The following PREX1 variants were observed in gnomAD, a reference collection of about 807,000 sequenced individuals.
PREX1 encodes the protein phosphatidylinositol-3,4,5-trisphosphate dependent Rac exchange factor 1.
PREX1 carries 41 observed loss-of-function variants against 198.3 expected under a neutral mutation model. The observed-to-expected ratio is 0.21, with a 90% CI of 0.16 to 0.27. The LOEUF (loss-of-function observed/expected upper bound fraction) is 0.27. PREX1 is among the 10% of genes least tolerant of loss of function. PREX1 has a pLI of 1.00. For synonymous variants in PREX1, 843 were observed against 887.2 expected, an observed-to-expected ratio of 0.95 and a Z score of 0.89; for missense variants, 1,620 against 2,200.7, an observed-to-expected ratio of 0.74 and a Z score of 5.28.
At chr20:48,813,502 A>G (rs1416354651) in intron 1 of PREX1, among the ~76,000 whole-genome samples, 3 of 152,192 alleles carry the variant, frequency 2.0e-5, no homozygotes, top group African/African-American at 7.2e-5. Context: ...TTTAGTATAA[A>G]TGTTGACTTG....
chr20:48,771,041 A>G (rs919374806), intron 1 of PREX1, among the ~76,000 whole-genome samples: 9 of 152,018 alleles, frequency 5.9e-5, no homozygotes, highest in Admixed American at 5.2e-4. Context: ...TCATCAGGAA[A>G]ATTAATAAAG....
intron 4 of PREX1, among the ~76,000 whole-genome samples, chr20:48,728,246 A>G (rs915139689): frequency 2.6e-5 from 4 of 152,248 alleles, no homozygotes; most frequent in Non-Finnish European, 4.4e-5. Flanking sequence ...TCAAGTGAAA[A>G]TAAGACCATA....
chr20:48,774,809 C>G (rs2090253463), intron 1 of PREX1, among the ~76,000 whole-genome samples: 1 of 152,246 alleles, frequency 6.6e-6, no homozygotes, highest in Non-Finnish European at 1.5e-5. Flanking sequence ...CTGCCCTGGC[C>G]AGGCACATGG....
In PREX1 at chr20:48,625,450, A is replaced by G. The variant is rs1291357211; in HGVS notation, c.*435T>C. On this transcript the variant is annotated 3_prime_UTR_variant, in exon 40 of 40. Coordinates refer to ENST00000371941, the MANE Select transcript of PREX1 (RefSeq NM_020820.4). ...TAGGGTGAACCTGGAAGCTAAGATG[A>G]GGAGGAGGAGACACGTGTGGTCACC... 1 of 165,326 alleles carries G rather than the reference A, an allele frequency of 6.0e-6. No individual in the cohort carries two copies. The highest frequency in any genetic ancestry group is 1.5e-4 in the South Asian group (1 of 6,512). 10.2% of individuals were successfully genotyped at this position (165,326 alleles called of 1,614,324 possible).
chr20:48,822,903 G>T (rs1451717497), intron 1 of PREX1, among the ~76,000 whole-genome samples: 1 of 152,130 alleles, frequency 6.6e-6, no homozygotes, highest in Non-Finnish European at 1.5e-5. Flanking sequence ...CTGCCTCAAT[G>T]ACTGTGAAAT....
At chr20:48,845,612 G>T in the PREX1 span, among the ~76,000 whole-genome samples, 1 of 151,526 alleles carries the variant, frequency 6.6e-6, no homozygotes, top group African/African-American at 2.4e-5. Context: ...TGAGGTGGAA[G>T]GATCACTTGA....
intron 5 of PREX1, among the ~76,000 whole-genome samples, chr20:48,717,316 A>G (rs957017245): frequency 1.3e-5 from 2 of 152,124 alleles, no homozygotes; most frequent in African/African-American, 4.8e-5. Context: ...AACTCCAGGA[A>G]GGGGCTGATC....
chr20:48,835,751 G>C, the PREX1 span, among the ~76,000 whole-genome samples: 2 of 152,220 alleles, frequency 1.3e-5, no homozygotes, highest in Non-Finnish European at 2.9e-5. Flanking sequence ...TTCTTTGGAT[G>C]AACTGGGAGC....
chr20:48,769,753 G>A (rs3091617), intron 1 of PREX1, among the ~76,000 whole-genome samples: 1 of 152,108 alleles, frequency 6.6e-6, no homozygotes, highest in Admixed American at 6.5e-5. Flanking sequence ...CACCTCCTCA[G>A]TGAAGCCTGC....
At chr20:48,629,879 T>C (rs1387334423) in intron 36 of PREX1, among the ~76,000 whole-genome samples, 1 of 152,174 alleles carries the variant, frequency 6.6e-6, no homozygotes, top group Non-Finnish European at 1.5e-5. Flanking sequence ...TCCAACCTAA[T>C]TCTCTTCACC....
chr20:48,690,820 C>T, intron 9 of PREX1, 127 bp downstream of exon 9: 3 of 1,353,748 alleles, frequency 2.2e-6, no homozygotes, highest in Non-Finnish European at 3.0e-6. Flanking sequence ...CCTTCAAATA[C>T]CTGCTTCTTA....
chr20:48,827,980 C>A lies in PREX1; in HGVS notation c.-120G>T. 3.8e-6 allele frequency: 1 copy of A among 262,664 alleles called. No individual in the cohort carries two copies. Among genetic ancestry groups the A allele is most frequent in the Non-Finnish European group, 5.8e-6 (1 of 172,632 alleles). The allele number at this position is 262,664 out of a possible 1,614,324, so 16.3% of individuals were successfully genotyped here. A position where few individuals can be genotyped will look rare whatever the true frequency, so the allele number is the denominator to read the frequency against. ...CCGGGCTCAGCGGCGGGCCGGGCTC[C>A]CGGCGCGGCGGGCGGGACTGGGGGC... is the stretch of plus-strand genomic sequence containing the variant. On this transcript the variant is annotated 5_prime_UTR_variant, in exon 1 of 40. Transcript: ENST00000371941. The surrounding 1 kb of genome is among the most constrained non-coding windows in gnomAD (Gnocchi z 4.1).
Position 48,773,813 on chromosome 20 carries a change from G to T in PREX1, c.220-25933C>A, listed in dbSNP as rs573072353. ...CCATGGAGGGTTCTGAGCAGGGGAA[G>T]GACAGGATCTGACCTGAGTTCTTAA... is the stretch of plus-strand genomic sequence containing the variant. On this transcript the variant is annotated intron_variant, in intron 1 of 39. Coordinates refer to ENST00000371941, the MANE Select transcript of PREX1 (RefSeq NM_020820.4). 9.2e-5 allele frequency among the ~76,000 whole-genome samples: 14 copies of T among 152,302 alleles called. No homozygotes were observed. The South Asian group carries it at 2.9e-3, about 32-fold the overall frequency.
chr20:48,800,290 G>T (rs1360421978), intron 1 of PREX1, among the ~76,000 whole-genome samples: 2 of 152,104 alleles, frequency 1.3e-5, no homozygotes, highest in African/African-American at 4.8e-5. Context: ...TTATTGATAA[G>T]CCCCTTATCA....
At chr20:48,658,016 G>A (rs2089558641) in intron 17 of PREX1, 120 bp downstream of exon 17, 1 of 982,108 alleles carries the variant, frequency 1.0e-6, no homozygotes, top group Non-Finnish European at 1.5e-6. Context: ...AGCAATGAGA[G>A]AAGAGGAGTC....
chr20:48,755,027 G>A (rs2090150789), intron 1 of PREX1, among the ~76,000 whole-genome samples: 1 of 152,210 alleles, frequency 6.6e-6, no homozygotes, highest in South Asian at 2.1e-4. Flanking sequence ...CTCATATGTG[G>A]CATGAAGCTT....
intron 29 of PREX1, among the ~76,000 whole-genome samples, chr20:48,640,425 A>C (rs568817274): frequency 6.6e-6 from 1 of 152,364 alleles, no homozygotes; most frequent in Admixed American, 6.5e-5. Context: ...AGGCCCCTGC[A>C]AAAGACAAAG....
At chr20:48,762,701 C>CT (rs397816054) in intron 1 of PREX1, among the ~76,000 whole-genome samples, 36,366 of 128,084 alleles carry the variant, frequency 0.28, 5,944 homozygotes, top group Non-Finnish European at 0.36. Context: ...TATGAAGTTT[C>CT]TTTTTTTTTT....
At chr20:48,856,817 G>A in the PREX1 span, among the ~76,000 whole-genome samples, 1 of 152,044 alleles carries the variant, frequency 6.6e-6, no homozygotes, top group Non-Finnish European at 1.5e-5. Context: ...CTCCTTTGTG[G>A]TTTTCAAAAC....
Sources: gnomAD v4.1 joint callset for allele counts (sites outside exome capture counted in the v4.1 genomes callset) on GRCh38, gnomAD v4.1.1 for gene constraint, Gnocchi (gnomAD v3.1) non-coding constraint, MANE v1.5 for transcripts, NCBI Gene and HGNC (gene_info 2026-07-23, HGNC 2026-07-21) for gene names.